SPAG16: variants seen among roughly 807,000 people sequenced by gnomAD.
SPAG16 encodes sperm associated antigen 16, also known as sperm-associated antigen 16 protein.
In SPAG16, 86 loss-of-function variants were observed where a neutral mutation model predicts 80.4. The observed-to-expected ratio is 1.07, with a 90% CI of 0.90 to 1.28. The LOEUF (loss-of-function observed/expected upper bound fraction) is 1.28, where lower values mean the gene tolerates loss of function less well. Among genes scored for constraint, SPAG16 ranks in the 50% most tolerant of loss-of-function variants. The pLI is 0.00. For missense variants in SPAG16, 870 were observed against 765.3 expected, an observed-to-expected ratio of 1.14 and a Z score of -1.61; for synonymous variants, 294 against 265.9, an observed-to-expected ratio of 1.11 and a Z score of -1.03.
intron 10 of SPAG16, among the ~76,000 whole-genome samples, chr2:213,585,876 G>A (rs1221604173): frequency 6.6e-6 from 1 of 152,058 alleles, no homozygotes; most frequent in Non-Finnish European, 1.5e-5. Context: ...CCCATGATAA[G>A]GAAATAGTAC....
intron 13 of SPAG16, among the ~76,000 whole-genome samples, chr2:214,069,539 C>T (rs537450552): frequency 7.9e-5 from 12 of 152,206 alleles, no homozygotes; most frequent in African/African-American, 2.6e-4. Context: ...CTCAGAGCTG[C>T]CTTAAACAGA....
At chr2:214,330,301 T>G (rs1576798082) in intron 15 of SPAG16, among the ~76,000 whole-genome samples, 1 of 145,294 alleles carries the variant, frequency 6.9e-6, no homozygotes, top group African/African-American at 2.5e-5. Flanking sequence ...GGAAAAGAAA[T>G]AAAGAAAATT....
At chr2:213,419,882 G>A (rs1408672485) in intron 9 of SPAG16, among the ~76,000 whole-genome samples, 2 of 152,202 alleles carry the variant, frequency 1.3e-5, no homozygotes, top group Admixed American at 1.3e-4. Flanking sequence ...AGCTCCTGCA[G>A]TGGGACTTTC....
At chr2:213,690,639 C>A (rs937551929) in intron 10 of SPAG16, among the ~76,000 whole-genome samples, 1 of 152,184 alleles carries the variant, frequency 6.6e-6, no homozygotes, top group Non-Finnish European at 1.5e-5. Flanking sequence ...TGGCACCAAC[C>A]ATTTGTCTGC....
intron 10 of SPAG16, among the ~76,000 whole-genome samples, chr2:213,540,372 A>T (rs1160987556): frequency 1.3e-5 from 2 of 152,022 alleles, no homozygotes; most frequent in African/African-American, 4.8e-5. Flanking sequence ...TTGTATTTCT[A>T]ACTGAATCTT....
At position 213,296,046 on chromosome 2, in the gene SPAG16, A is replaced by G. The variant is rs1189636116; in HGVS notation, c.137-18A>G. ...TTATTCTATATTTTTTGAGATTAAA[A>G]CTTGACAAGATATTCAGAGGTCACC... On this transcript the variant is annotated intron_variant, in intron 1 of 15. Coordinates refer to ENST00000331683, the MANE Select transcript of SPAG16 (RefSeq NM_024532.5). 3 of 1,604,766 alleles carry G rather than the reference A, an allele frequency of 1.9e-6. No individual in the cohort carries two copies. Among genetic ancestry groups the G allele is most frequent in the East Asian group, 2.2e-5 (1 of 44,626 alleles).
intron 9 of SPAG16, among the ~76,000 whole-genome samples, chr2:213,412,575 A>G (rs933503723): frequency 6.6e-6 from 1 of 152,146 alleles, no homozygotes; most frequent in Non-Finnish European, 1.5e-5. Context: ...TAATTTCTGT[A>G]AGTTAATTAG....
intron 12 of SPAG16, among the ~76,000 whole-genome samples, chr2:213,965,194 G>A (rs1353120199): frequency 1.3e-5 from 2 of 152,162 alleles, no homozygotes; most frequent in East Asian, 3.9e-4. Flanking sequence ...TTTAGGCATA[G>A]AGTGCAGTCC....
At chr2:214,111,372 AC>A (rs1186837330) in intron 14 of SPAG16, among the ~76,000 whole-genome samples, 1 of 152,168 alleles carries the variant, frequency 6.6e-6, no homozygotes, top group Non-Finnish European at 1.5e-5. Context: ...TCCCAGCACC[AC>A]TTATTAAATA....
intron 15 of SPAG16, among the ~76,000 whole-genome samples, chr2:214,227,706 G>A (rs1342683512): frequency 4.0e-5 from 3 of 75,822 alleles, no homozygotes; most frequent in African/African-American, 2.9e-4. Flanking sequence ...AGGTGTATGT[G>A]TGTGTGTGTG....
intron 10 of SPAG16, among the ~76,000 whole-genome samples, chr2:213,497,774 T>C (rs1350275688): frequency 1.3e-5 from 2 of 152,150 alleles, no homozygotes; most frequent in African/African-American, 4.8e-5. Context: ...CCTTAGGATA[T>C]AGTTTCAGTT....
At chr2:213,991,089 T>C (rs1158636562) in intron 12 of SPAG16, among the ~76,000 whole-genome samples, 1 of 152,028 alleles carries the variant, frequency 6.6e-6, no homozygotes, top group East Asian at 1.9e-4. Context: ...CGTGCCATGG[T>C]GGTTTGCTCA....
At chr2:213,641,827 G>A (rs1489946460) in intron 10 of SPAG16, among the ~76,000 whole-genome samples, 1 of 152,182 alleles carries the variant, frequency 6.6e-6, no homozygotes, top group African/African-American at 2.4e-5. Context: ...AGTTCCACAT[G>A]GCTGGGGAGG....
At chr2:213,288,827 A>C (rs1303204334) in intron 1 of SPAG16, among the ~76,000 whole-genome samples, 3 of 151,798 alleles carry the variant, frequency 2.0e-5, no homozygotes, top group African/African-American at 7.3e-5. Context: ...ATTGTTCTGA[A>C]CCCTAAAGTG....
chr2:213,490,573 C>T (rs549398691), intron 10 of SPAG16, among the ~76,000 whole-genome samples: 49 of 152,022 alleles, frequency 3.2e-4, no homozygotes, highest in Non-Finnish European at 4.0e-4. Context: ...TATGAATCTG[C>T]GTATTTATAT....
intron 10 of SPAG16, among the ~76,000 whole-genome samples, chr2:213,682,208 T>G (rs1172598031): frequency 6.6e-6 from 1 of 152,172 alleles, no homozygotes; most frequent in Non-Finnish European, 1.5e-5. Context: ...CTTTAGGGAA[T>G]TTTACACCTG....
intron 10 of SPAG16, among the ~76,000 whole-genome samples, chr2:213,827,781 T>C (rs965256512): frequency 2.0e-5 from 3 of 152,048 alleles, no homozygotes; most frequent in African/African-American, 7.3e-5. Flanking sequence ...AGGGCCTGGC[T>C]ATACTATTCT....
At chr2:214,247,957 G>T (rs1230636528) in intron 15 of SPAG16, among the ~76,000 whole-genome samples, 1 of 152,068 alleles carries the variant, frequency 6.6e-6, no homozygotes. Flanking sequence ...GAGTCTAGGA[G>T]GTTGACGCTG....
rs182145356 is a variant in SPAG16 at position 213,561,312 on chromosome 2, A to G, written c.1070+71222A>G. Among the ~76,000 whole-genome samples the G allele has an allele frequency of 6.7e-4, 102 of 152,346 alleles. 4 individuals are homozygous for G. Among genetic ancestry groups the G allele is most frequent in the Admixed American group, 5.0e-3 (76 of 15,302 alleles). On this transcript the variant is annotated intron_variant, in intron 10 of 15. Transcript: ENST00000331683. ...AGATTCATTCTGAAAGTTGATTTCA[A>G]TGAATAGACTTTATAATATTATGAT...
Sources: gnomAD v4.1 joint callset for allele counts (sites outside exome capture counted in the v4.1 genomes callset) on GRCh38, gnomAD v4.1.1 for gene constraint, MANE v1.5 for transcripts, NCBI Gene and HGNC (gene_info 2026-07-23, HGNC 2026-07-21) for gene names.